The following EYA1 variants were observed in gnomAD, a reference collection of about 807,000 sequenced individuals.
EYA1 encodes the protein protein phosphatase EYA1.
EYA1 carries 16 observed loss-of-function variants against 82.0 expected under a neutral mutation model. The observed-to-expected ratio is 0.20, with a 90% CI of 0.13 to 0.30. The LOEUF (loss-of-function observed/expected upper bound fraction) is 0.30, where lower values mean the gene tolerates loss of function less well. EYA1 is among the 10% of genes least tolerant of loss of function. The pLI, the probability that EYA1 is intolerant of heterozygous loss-of-function variation, is 1.00. For missense variants in EYA1, 633 were observed against 730.7 expected (o/e 0.87, Z 1.54); for synonymous variants, 261 against 264.4 (o/e 0.99, Z 0.12).
intron 2 of EYA1, among the ~76,000 whole-genome samples, chr8:71,498,583 G>A (rs113915812): frequency 1.3e-5 from 2 of 151,942 alleles, no homozygotes; most frequent in African/African-American, 2.4e-5. Context: ...CCATCTACAA[G>A]ACCACATGGC....
At chr8:71,475,079 C>A (rs1168657179) in intron 2 of EYA1, among the ~76,000 whole-genome samples, 2 of 151,990 alleles carry the variant, frequency 1.3e-5, no homozygotes, top group Non-Finnish European at 2.9e-5. Context: ...TTTCAGTGAG[C>A]CGAGATCATA....
chr8:71,265,078 C>T (rs930775228), intron 11 of EYA1, among the ~76,000 whole-genome samples: 20 of 152,106 alleles, frequency 1.3e-4, no homozygotes, highest in African/African-American at 4.3e-4. Context: ...TAAGGCATAG[C>T]GTATACTTGT....
chr8:71,362,456 C>CT (rs557716328), upstream of EYA1, among the ~76,000 whole-genome samples: 237 of 152,072 alleles, frequency 1.6e-3, no homozygotes, highest in Non-Finnish European at 3.0e-3. Context: ...TTTTCCTAAA[C>CT]TTTTTTCAGG....
At chr8:71,414,640 C>T (rs1346103371) in intron 2 of EYA1, among the ~76,000 whole-genome samples, 2 of 152,164 alleles carry the variant, frequency 1.3e-5, no homozygotes, top group Non-Finnish European at 2.9e-5. Flanking sequence ...AAAATAGTTC[C>T]ATCAGATTCT....
intron 2 of EYA1, among the ~76,000 whole-genome samples, chr8:71,438,571 A>G (rs1390799629): frequency 6.6e-6 from 1 of 152,174 alleles, no homozygotes; most frequent in Non-Finnish European, 1.5e-5. Flanking sequence ...AACTGCTGTC[A>G]GGGTTGACCA....
intron 2 of EYA1, among the ~76,000 whole-genome samples, chr8:71,444,201 A>T (rs1422355260): frequency 6.6e-6 from 1 of 152,238 alleles, no homozygotes; most frequent in African/African-American, 2.4e-5. Flanking sequence ...TTCTTCTCAA[A>T]GCCGGAAAAC....
rs559070090 is a variant in EYA1 at position 71,312,657 on chromosome 8, C to CT, written c.556+4894_556+4895insA. 7.9e-5 allele frequency among the ~76,000 whole-genome samples: 12 copies of CT among 152,224 alleles called. No individual in the cohort carries two copies. In the East Asian group the frequency reaches 2.1e-3, roughly 27 times the overall value. On this transcript the variant is annotated intron_variant, in intron 7 of 17. Coordinates refer to ENST00000340726, the MANE Select transcript of EYA1 (RefSeq NM_000503.6). ...TTTGCCATGTTGGCCAGGCTGGTCT[C>CT]AAACTCCTGACCTTGGGTGATCTGC...
At chr8:71,323,737 C>T (rs982584010) in intron 4 of EYA1, among the ~76,000 whole-genome samples, 3 of 152,152 alleles carry the variant, frequency 2.0e-5, no homozygotes, top group South Asian at 4.1e-4. Context: ...AGATGCTGCA[C>T]GTGCGAAGGT....
At chr8:71,423,823 T>C (rs1288766193) in intron 2 of EYA1, among the ~76,000 whole-genome samples, 1 of 152,210 alleles carries the variant, frequency 6.6e-6, no homozygotes, top group African/African-American at 2.4e-5. Flanking sequence ...AAAATATACC[T>C]ATTCTGTAAA....
chr8:71,455,538 C>A (rs1807817258), intron 2 of EYA1, among the ~76,000 whole-genome samples: 1 of 152,194 alleles, frequency 6.6e-6, no homozygotes, highest in Non-Finnish European at 1.5e-5. Flanking sequence ...AATCCAGCAG[C>A]ACATCAAAAG....
intron 2 of EYA1, among the ~76,000 whole-genome samples, chr8:71,402,634 A>G (rs1383424542): frequency 2.0e-5 from 3 of 152,242 alleles, no homozygotes; most frequent in African/African-American, 7.2e-5. Context: ...ATGAAATAAA[A>G]TATGTCCAAG....
In EYA1 at chr8:71,269,812, G is replaced by A; in HGVS notation, c.978C>T (p.Ile326=). 6.2e-7 allele frequency: 1 copy of A among 1,613,430 alleles called. No individual in the cohort carries two copies. The highest frequency in any genetic ancestry group is 1.1e-5 in the South Asian group (1 of 91,084). Residue 326 remains isoleucine, a synonymous_variant, in exon 11 of 18, where the codon ATC becomes ATT. Transcript: ENST00000340726. ...PPDSDLERVF[I]WDLDETIIVF... is the part of the protein sequence containing the mutation. ...CAATGATTGTCTCATCCAAGTCCCA[G>A]ATGAACACTCTCTACAAAGGAAGAA...
intron 2 of EYA1, among the ~76,000 whole-genome samples, chr8:71,445,702 G>C (rs1306663740): frequency 6.6e-6 from 1 of 151,992 alleles, no homozygotes; most frequent in Admixed American, 6.6e-5. Context: ...GCAGTGGCAC[G>C]ATCTCGGCTC....
At chr8:71,317,528 A>T in intron 7 of EYA1, 24 bp downstream of exon 7, 2 of 1,613,432 alleles carry the variant, frequency 1.2e-6, no homozygotes, top group Non-Finnish European at 1.7e-6. Flanking sequence ...GGGTTAAGGA[A>T]AATAGCAATG....
intron 2 of EYA1, among the ~76,000 whole-genome samples, chr8:71,412,574 C>T (rs13254828): frequency 0.26 from 38,962 of 151,836 alleles, 5,117 homozygotes; most frequent in Middle Eastern, 0.34. Flanking sequence ...CAAAGTAATA[C>T]GGGAGGAGTG....
At chr8:71,314,479 C>G (rs997640318) in intron 7 of EYA1, among the ~76,000 whole-genome samples, 3 of 152,056 alleles carry the variant, frequency 2.0e-5, no homozygotes, top group Admixed American at 6.5e-5. Context: ...TTGAATATCC[C>G]TTATCTGAAA....
At chr8:71,246,842 C>T (rs1166495926) in intron 11 of EYA1, among the ~76,000 whole-genome samples, 1 of 152,140 alleles carries the variant, frequency 6.6e-6, no homozygotes, top group African/African-American at 2.4e-5. Flanking sequence ...GGCCCATCTG[C>T]TGTAGCCTGG....
chr8:71,274,810 G>GA (rs1485938061), intron 9 of EYA1, among the ~76,000 whole-genome samples: 2 of 152,136 alleles, frequency 1.3e-5, no homozygotes, highest in Non-Finnish European at 2.9e-5. Flanking sequence ...CACCAGTGAA[G>GA]AGGGAATATG....
At chr8:71,353,594 G>C (rs1404252252) in intron 3 of EYA1, among the ~76,000 whole-genome samples, 2 of 151,886 alleles carry the variant, frequency 1.3e-5, no homozygotes, top group Non-Finnish European at 2.9e-5. Context: ...AATCACTGTT[G>C]GAATAAAAAT....
Sources: gnomAD v4.1 joint callset for allele counts (sites outside exome capture counted in the v4.1 genomes callset) on GRCh38, gnomAD v4.1.1 for gene constraint, MANE v1.5 for transcripts, NCBI Gene and HGNC (gene_info 2026-07-23, HGNC 2026-07-21) for gene names.